Variants in COG7 observed in about 807,000 individuals in gnomAD.
COG7 encodes the protein conserved oligomeric Golgi complex subunit 7.
In COG7, 49 loss-of-function variants were observed where a neutral mutation model predicts 91.5. The ratio of observed to expected loss-of-function variants is 0.54; its 90% CI spans 0.43 to 0.68. The LOEUF is 0.68. Among genes scored for constraint, COG7 ranks in the 30% least tolerant of loss-of-function variants. The pLI, the probability that COG7 is intolerant of heterozygous loss-of-function variation, is 0.00. For missense variants in COG7, 895 were observed against 961.3 expected (o/e 0.93, Z 0.91); for synonymous variants, 365 against 388.7 (o/e 0.94, Z 0.72).
intron 9 of COG7, chr16:23,414,830 G>A (rs895743308): frequency 5.9e-5 from 9 of 152,090 alleles, no homozygotes; most frequent in African/African-American, 1.9e-4. Flanking sequence ...TGGACATAAA[G>A]GAGGGAGTCA....
At chr16:23,442,743 GA>G in intron 3 of COG7, 98 bp from the exon 4 acceptor site, 1 of 1,086,830 alleles carries the variant, frequency 9.2e-7, no homozygotes, top group Non-Finnish European at 1.4e-6. Context: ...CATCAAGTAT[GA>G]AAATGGGGCT....
At chr16:23,409,089 GCGTGCA>G (rs139704179) in intron 11 of COG7, among the ~76,000 whole-genome samples, 6 of 85,050 alleles carry the variant, frequency 7.1e-5, no homozygotes, top group South Asian at 4.2e-4. Context: ...GTGTGTGTGT[GCGTGCA>G]TGTGTGTGTG....
chr16:23,393,390 C>A (rs559274282), intron 14 of COG7, 43 bp from the exon 15 acceptor site: 3 of 1,443,270 alleles, frequency 2.1e-6, no homozygotes, highest in African/African-American at 2.8e-5. Context: ...TTGACACATA[C>A]GGGTTATTAC....
At chr16:23,439,724 G>A (rs1007526869) in intron 4 of COG7, among the ~76,000 whole-genome samples, 6 of 152,266 alleles carry the variant, frequency 3.9e-5, no homozygotes, top group East Asian at 3.9e-4. Context: ...TGTTTAATGC[G>A]TATGAAATTT....
chr16:23,410,975 G>A (rs370582889), intron 10 of COG7, among the ~76,000 whole-genome samples: 10 of 152,214 alleles, frequency 6.6e-5, no homozygotes, highest in African/African-American at 2.4e-4. Flanking sequence ...CCAAAATGCT[G>A]GGATTATAGG....
chr16:23,406,377 A>G (rs1246692598), intron 11 of COG7, 115 bp from the exon 12 acceptor site: 1 of 925,580 alleles, frequency 1.1e-6, no homozygotes, highest in Non-Finnish European at 1.7e-6. Context: ...GACAGACTGA[A>G]TTAAGGTCCA....
intron 5 of COG7, 142 bp from the exon 6 acceptor site, chr16:23,433,809 AG>A: frequency 2.4e-6 from 2 of 821,936 alleles, no homozygotes; most frequent in African/African-American, 1.9e-5. Flanking sequence ...TTCACTTCAA[AG>A]AAAGGCAGGA....
chr16:23,442,879 T>C (rs1466981578), intron 3 of COG7, among the ~76,000 whole-genome samples: 1 of 151,072 alleles, frequency 6.6e-6, no homozygotes, highest in Admixed American at 6.6e-5. Flanking sequence ...CTACAAACAG[T>C]AAAAATTAGC....
At chr16:23,404,239 C>T (rs1963423476) in intron 12 of COG7, among the ~76,000 whole-genome samples, 3 of 152,328 alleles carry the variant, frequency 2.0e-5, no homozygotes, top group African/African-American at 7.2e-5. Context: ...TGGACAGAGC[C>T]CTAATTCCCG....
chr16:23,426,828 AAAAAAAAAAGAAAG>A (rs1963854537), intron 6 of COG7, among the ~76,000 whole-genome samples: 1 of 149,652 alleles, frequency 6.7e-6, no homozygotes. Flanking sequence ...CAAAAAAAAA[AAAAAAAAAAGAAAG>A]AAAGAAAGAA....
At chr16:23,450,153 T>C (rs1964244264) in intron 1 of COG7, among the ~76,000 whole-genome samples, 1 of 152,074 alleles carries the variant, frequency 6.6e-6, no homozygotes, top group East Asian at 1.9e-4. Flanking sequence ...CAGGCTGGTC[T>C]GGAACTCCTG....
chr16:23,407,631 T>C (rs918644321), intron 11 of COG7, among the ~76,000 whole-genome samples: 4 of 152,178 alleles, frequency 2.6e-5, no homozygotes, highest in African/African-American at 9.7e-5. Flanking sequence ...ATTTAACACA[T>C]GCTGTCTCAT....
Position 23,403,718 on chromosome 16 carries a change from C to G in COG7, c.1779G>C (p.Gln593His), listed in dbSNP as rs1398281313. 1 of 1,614,134 alleles carries G rather than the reference C, an allele frequency of 6.2e-7. No individual in the cohort carries two copies. Among genetic ancestry groups the G allele is most frequent in the East Asian group, 2.2e-5 (1 of 44,888 alleles). ...CGTCCATCTTCGAAATAAGCAACAG[C>G]TGTTGTTTGATGCGCAGGAACACGG... The part of the protein sequence containing the change: ...FDSVFLRIKQ[Q>H]LLLISKMDSW... Residue 593 changes from glutamine (Q) to histidine (H), a missense_variant, in exon 13 of 17, where the codon CAG (glutamine) becomes CAC (histidine). Coordinates refer to ENST00000307149, the MANE Select transcript of COG7 (RefSeq NM_153603.4).
At chr16:23,409,057 GTGCA>G (rs951452018) in intron 11 of COG7, among the ~76,000 whole-genome samples, 6 of 145,464 alleles carry the variant, frequency 4.1e-5, no homozygotes, top group Non-Finnish European at 8.9e-5. Context: ...GCTGCACAGT[GTGCA>G]TGCGTGTGTG....
intron 13 of COG7, among the ~76,000 whole-genome samples, chr16:23,398,654 T>G (rs989330439): frequency 2.0e-5 from 3 of 152,118 alleles, no homozygotes; most frequent in African/African-American, 7.2e-5. Context: ...GAGCCAAGCC[T>G]CATCGGCAAT....
chr16:23,389,118 C>A (rs1963145553), intron 16 of COG7, 32 bp from the exon 17 acceptor site: 2 of 1,610,118 alleles, frequency 1.2e-6, no homozygotes. Flanking sequence ...AGACAGAGCT[C>A]CACAGACTCA....
In COG7 at chr16:23,388,820, A is replaced by G; in HGVS notation, c.*100T>C. 6.3e-7 allele frequency: 1 copy of G among 1,585,468 alleles called. No homozygotes were observed. The highest frequency in any genetic ancestry group is 8.6e-7 in the Non-Finnish European group (1 of 1,167,952). On this transcript the variant is annotated 3_prime_UTR_variant, in exon 17 of 17. Transcript: ENST00000307149. ...CAGCTGAACCAAGTCTTTTTAAAGT[A>G]ACTTCTGCCCAATCTTGGGCAGAGT...
At position 23,392,492 on chromosome 16, in the gene COG7, A is replaced by C; in HGVS notation, c.2034T>G (p.Ala678=). The C allele has an allele frequency of 6.2e-7, 1 of 1,614,198 alleles. No individual in the cohort carries two copies. The highest frequency in any genetic ancestry group is 8.5e-7 in the Non-Finnish European group (1 of 1,180,038). The change falls in exon 16 of 17, where the codon GCT becomes GCG. Residue 678 remains alanine (A), a synonymous_variant. Transcript: ENST00000307149. ...TGGCGATCGAGCCCAGCCAGTTGTC[A>C]GCCATGTTGTCCAGCTCGGGCAATT... The part of the protein sequence containing the change: ...GDELPELDNM[A]DNWLGSIARA...
chr16:23,425,340 A>G (rs1404008000), intron 6 of COG7, among the ~76,000 whole-genome samples: 1 of 151,866 alleles, frequency 6.6e-6, no homozygotes, highest in African/African-American at 2.4e-5. Flanking sequence ...TAAAAATTAA[A>G]AACTTTTTTG....
Sources: gnomAD v4.1 joint callset for allele counts (sites outside exome capture counted in the v4.1 genomes callset) on GRCh38, gnomAD v4.1.1 for gene constraint, MANE v1.5 for transcripts, NCBI Gene and HGNC (gene_info 2026-07-23, HGNC 2026-07-21) for gene names.